The following WNT3 variants were observed in gnomAD, a reference collection of about 807,000 sequenced individuals.
The protein encoded by WNT3 is proto-oncogene Wnt-3.
In WNT3, 7 loss-of-function variants were observed where a neutral mutation model predicts 34.2. That is an observed-to-expected ratio of 0.20 (90% CI 0.12 to 0.38). The LOEUF (loss-of-function observed/expected upper bound fraction) is 0.38, where lower values mean the gene tolerates loss of function less well. Among genes scored for constraint, WNT3 ranks in the 10% least tolerant of loss-of-function variants. WNT3 has a pLI of 1.00. For missense variants in WNT3, 267 were observed against 499.8 expected (o/e 0.53, Z 4.44); for synonymous variants, 212 against 211.5 (o/e 1.00, Z -0.02).
chr17:46,780,770 C>T (rs2059454074), intron 1 of WNT3, among the ~76,000 whole-genome samples: 1 of 151,552 alleles, frequency 6.6e-6, no homozygotes, highest in Non-Finnish European at 1.5e-5. Flanking sequence ...GAGCAAGACT[C>T]TGTTTCAAAA....
intron 1 of WNT3, among the ~76,000 whole-genome samples, chr17:46,780,130 C>T (rs189447901): frequency 6.6e-6 from 1 of 152,340 alleles, no homozygotes; most frequent in African/African-American, 2.4e-5. Context: ...GACTTACGCA[C>T]CTAACATATG....
At chr17:46,775,660 C>T (rs957743320) in intron 1 of WNT3, among the ~76,000 whole-genome samples, 2 of 142,126 alleles carry the variant, frequency 1.4e-5, no homozygotes, top group Admixed American at 1.5e-4. Flanking sequence ...GTCACCCAGG[C>T]TGGAATGCAG....
intron 1 of WNT3, among the ~76,000 whole-genome samples, chr17:46,787,579 C>T (rs145263608): frequency 1.4e-3 from 214 of 152,310 alleles, no homozygotes; most frequent in Non-Finnish European, 2.3e-3. Context: ...GCACGCAGAT[C>T]GTTCTTGAAG....
chr17:46,809,482 G>T (rs538000474), intron 1 of WNT3, among the ~76,000 whole-genome samples: 33 of 152,122 alleles, frequency 2.2e-4, no homozygotes, highest in Non-Finnish European at 4.3e-4. Flanking sequence ...CAACACACAC[G>T]TACACACACT....
chr17:46,800,107 CTATTTATT>C (rs562494574), intron 1 of WNT3, among the ~76,000 whole-genome samples: 2 of 151,914 alleles, frequency 1.3e-5, no homozygotes. Flanking sequence ...AACAGAATTC[CTATTTATT>C]TATTTATTTA....
Position 46,768,639 on chromosome 17 carries a change from C to A in WNT3, c.749G>T (p.Arg250Leu), listed in dbSNP as rs760532705. Residue 250 changes from arginine to leucine, a missense_variant, in exon 4 of 5, where the codon CGT (arginine) becomes CTT (leucine). Arg to Leu is a moderately radical substitution (Grantham distance 102, BLOSUM62 -2). Around this residue, in one of 3 missense-constraint regions of WNT3, gnomAD observed 181 missense variants for 391.3 expected, o/e 0.46. Transcript: ENST00000225512. This position sits in a 1 kb window ranked among gnomAD's most constrained non-coding sequence, Gnocchi z 5.0. Reference sequence around the variant, plus strand: ...GGTCTCCACCCAGCCTCGGGACTCACGGTGCTTCTCTACTACCATCTCCGA... The same window carrying A: ...GGTCTCCACCCAGCCTCGGGACTCAAGGTGCTTCTCTACTACCATCTCCGA... ...SASEMVVEKH[R>L]ESRGWVETLR... The A allele has an allele frequency of 6.8e-6, 11 of 1,614,160 alleles. No individual in the cohort carries two copies. Among genetic ancestry groups the A allele is most frequent in the Non-Finnish European group, 9.3e-6 (11 of 1,180,044 alleles).
intron 1 of WNT3, among the ~76,000 whole-genome samples, chr17:46,796,270 A>C (rs1018079486): frequency 3.3e-5 from 5 of 152,246 alleles, no homozygotes; most frequent in African/African-American, 1.2e-4. Context: ...CCTGGCACAT[A>C]GTAGGTGCAC....
intron 2 of WNT3, among the ~76,000 whole-genome samples, chr17:46,770,330 C>G (rs2059352538): frequency 6.6e-6 from 1 of 152,232 alleles, no homozygotes; most frequent in Admixed American, 6.5e-5. Context: ...GAAACAGGCG[C>G]CGACACCAAA....
intron 4 of WNT3, among the ~76,000 whole-genome samples, chr17:46,765,899 C>A (rs950261692): frequency 6.6e-6 from 1 of 152,188 alleles, no homozygotes; most frequent in Non-Finnish European, 1.5e-5. Flanking sequence ...GAAGAGCTGG[C>A]CTGGGAGTGT....
intron 3 of WNT3, 145 bp downstream of exon 3, chr17:46,769,638 G>GGGGA: frequency 4.8e-6 from 5 of 1,042,052 alleles, no homozygotes; most frequent in Non-Finnish European, 7.0e-6. Context: ...GCTGTGGGGT[G>GGGGA]GGGAGGAGGC....
chr17:46,781,778 C>T (rs415430), intron 1 of WNT3, among the ~76,000 whole-genome samples: 127,642 of 151,750 alleles, frequency 0.84, 53,988 homozygotes, highest in East Asian at 1. Flanking sequence ...CCTTCAACTT[C>T]GCATCTAGAG....
At chr17:46,804,210 C>G (rs1014403396) in intron 1 of WNT3, among the ~76,000 whole-genome samples, 2 of 152,120 alleles carry the variant, frequency 1.3e-5, no homozygotes, top group African/African-American at 4.8e-5. Flanking sequence ...GCCTCAGCCT[C>G]CCCAGCAGCT....
At chr17:46,804,260 G>GT (rs767394214) in intron 1 of WNT3, among the ~76,000 whole-genome samples, 16 of 151,880 alleles carry the variant, frequency 1.1e-4, no homozygotes, top group Non-Finnish European at 2.1e-4. Flanking sequence ...GCTAATTTTT[G>GT]TATTTTTAGT....
intron 4 of WNT3, among the ~76,000 whole-genome samples, chr17:46,766,988 C>T (rs1366441469): frequency 6.6e-6 from 1 of 152,188 alleles, no homozygotes; most frequent in Non-Finnish European, 1.5e-5. Context: ...TTGGGTCACA[C>T]GGTTGGCAAG....
Position 46,811,604 on chromosome 17 carries a change from C to T in WNT3, c.80+6914G>A, listed in dbSNP as rs373641748. On this transcript the variant is annotated intron_variant, in intron 1 of 4. Coordinates refer to ENST00000225512, the MANE Select transcript of WNT3 (RefSeq NM_030753.5). ...GAGCAAACCTGCAGGCAGGCCCTCC[C>T]AGGCAGCAGCAGGACAGGGTGCCCG... Among the ~76,000 whole-genome samples the T allele has an allele frequency of 5.9e-5, 9 of 152,170 alleles. No individual in the cohort carries two copies. The East Asian group carries it at 1.7e-3, about 29-fold the overall frequency.
chr17:46,790,489 C>A (rs892776185), intron 1 of WNT3, among the ~76,000 whole-genome samples: 2 of 152,114 alleles, frequency 1.3e-5, no homozygotes, highest in African/African-American at 4.8e-5. Flanking sequence ...TGCCCTAGGT[C>A]ACAGACAGGG....
In WNT3 at chr17:46,803,123, A is replaced by G. The variant is rs116419927; in HGVS notation, c.80+15395T>C. 3.3e-3 allele frequency among the ~76,000 whole-genome samples: 505 copies of G among 152,366 alleles called. 1 individual carries two copies. Among genetic ancestry groups the G allele is most frequent in the African/African-American group, 0.012 (488 of 41,592 alleles). ...GACGCTGGCTGATGTCTGCCGCAGA[A>G]TTGACAGCTTGCTTGGTGTATGCAC... is the stretch of plus-strand genomic sequence containing the variant. On this transcript the variant is annotated intron_variant, in intron 1 of 4. Transcript: ENST00000225512.
intron 1 of WNT3, among the ~76,000 whole-genome samples, chr17:46,794,126 G>A (rs988907013): frequency 6.6e-6 from 1 of 152,092 alleles, no homozygotes; most frequent in South Asian, 2.1e-4. Flanking sequence ...TGGGAGGGGC[G>A]TGGGGGAGAG....
chr17:46,788,850 G>A (rs570269363), intron 1 of WNT3, among the ~76,000 whole-genome samples: 9 of 152,260 alleles, frequency 5.9e-5, no homozygotes, highest in Admixed American at 2.0e-4. Context: ...CTGTCTCCAC[G>A]GCGAGCTGAG....
Sources: allele counts gnomAD v4.1 joint callset (sites outside exome capture counted in the v4.1 genomes callset), GRCh38; gene constraint gnomAD v4.1.1; regional missense constraint gnomAD v4.1.1; non-coding constraint Gnocchi (gnomAD v3.1); transcripts MANE v1.5; gene names NCBI Gene and HGNC (gene_info 2026-07-23, HGNC 2026-07-21).